Variants in GSE1 observed in about 807,000 individuals in gnomAD.
GSE1 encodes genetic suppressor element 1.
In GSE1, 32 loss-of-function variants were observed where a neutral mutation model predicts 112.6. The ratio of observed to expected loss-of-function variants is 0.28; its 90% CI spans 0.21 to 0.38. GSE1 has a LOEUF of 0.38. Among genes scored for constraint, GSE1 ranks in the 10% least tolerant of loss-of-function variants. The pLI is 1.00. For synonymous variants in GSE1, 1,115 were observed against 735.6 expected (o/e 1.52, Z -8.35); for missense variants, 2,348 against 1,699.2 (o/e 1.38, Z -6.71).
chr16:85,251,676 C>G (rs1028423621), intron 1 of GSE1, among the ~76,000 whole-genome samples: 4 of 152,252 alleles, frequency 2.6e-5, no homozygotes, highest in African/African-American at 9.6e-5. Context: ...CACGTGCCCT[C>G]TTTCACACGC....
At chr16:85,546,416 G>A (rs905687998) in intron 2 of GSE1, among the ~76,000 whole-genome samples, 1 of 152,148 alleles carries the variant, frequency 6.6e-6, no homozygotes, top group Non-Finnish European at 1.5e-5. Flanking sequence ...ACAAGCCCCC[G>A]TAACAAAGAG....
In GSE1 at chr16:85,652,652, G is replaced by A. The variant is rs1034148087; in HGVS notation, c.427-1626G>A. 2.6e-5 allele frequency among the ~76,000 whole-genome samples: 4 copies of A among 152,192 alleles called. No individual in the cohort carries two copies. In the East Asian group the frequency reaches 5.8e-4, roughly 22 times the overall value. ...CGGGCTGCCTGCACTGCCTCTGCGC[G>A]GGTGCCATGTGCTGCTGCCGGGTCA... On this transcript the variant is annotated intron_variant, in intron 3 of 15. Coordinates refer to ENST00000253458, the MANE Select transcript of GSE1 (RefSeq NM_014615.5).
chr16:85,250,075 G>A (rs887625601), intron 1 of GSE1, among the ~76,000 whole-genome samples: 6 of 152,258 alleles, frequency 3.9e-5, no homozygotes, highest in African/African-American at 1.4e-4. Context: ...CAGCTCCTGC[G>A]GTGTTGGTCT....
At chr16:85,574,861 C>T (rs2046155680) in intron 1 of GSE1, among the ~76,000 whole-genome samples, 1 of 152,206 alleles carries the variant, frequency 6.6e-6, no homozygotes, top group Non-Finnish European at 1.5e-5. Flanking sequence ...CCTGCTGGAG[C>T]CTGCCCTGGT....
intron 1 of GSE1, among the ~76,000 whole-genome samples, chr16:85,252,794 G>A (rs183911999): frequency 3.7e-4 from 57 of 152,336 alleles, no homozygotes; most frequent in Non-Finnish European, 5.7e-4. Flanking sequence ...TGAGGCTGCC[G>A]GTGACAGGAC....
At chr16:85,498,428 C>T (rs1410498419) in intron 2 of GSE1, among the ~76,000 whole-genome samples, 2 of 152,080 alleles carry the variant, frequency 1.3e-5, no homozygotes, top group Admixed American at 6.6e-5. Context: ...CAGACACACA[C>T]GGACACACAG....
chr16:85,639,920 G>A (rs2050305714), intron 2 of GSE1, among the ~76,000 whole-genome samples: 1 of 151,932 alleles, frequency 6.6e-6, no homozygotes, highest in Admixed American at 6.5e-5. Context: ...GTCCTCAGCT[G>A]CTCCAGGAGG....
intron 1 of GSE1, among the ~76,000 whole-genome samples, chr16:85,276,715 G>A (rs1909401393): frequency 6.6e-6 from 1 of 152,166 alleles, no homozygotes. Flanking sequence ...GTGGGCCAGG[G>A]CAGGGGCCGG....
chr16:85,489,126 G>A (rs979814842), intron 2 of GSE1, among the ~76,000 whole-genome samples: 1 of 152,156 alleles, frequency 6.6e-6, no homozygotes, highest in African/African-American at 2.4e-5. Context: ...CACAGCCTGG[G>A]CAACGCAGGA....
At chr16:85,538,265 A>G (rs2044401157) in intron 2 of GSE1, among the ~76,000 whole-genome samples, 1 of 152,258 alleles carries the variant, frequency 6.6e-6, no homozygotes, top group Non-Finnish European at 1.5e-5. Context: ...GCTTTCAGCC[A>G]GGACTGCTGA....
intron 1 of GSE1, among the ~76,000 whole-genome samples, chr16:85,295,243 T>C (rs753511145): frequency 2.0e-5 from 3 of 152,260 alleles, no homozygotes; most frequent in Non-Finnish European, 2.9e-5. Flanking sequence ...GAGGATGGCC[T>C]GTGCTGGGCA....
At chr16:85,453,281 G>A (rs1380757113) in intron 2 of GSE1, among the ~76,000 whole-genome samples, 1 of 152,134 alleles carries the variant, frequency 6.6e-6, no homozygotes, top group Non-Finnish European at 1.5e-5. Context: ...TGAGCAGCCC[G>A]CCCACCCTCC....
chr16:85,427,889 C>T (rs2049029686), intron 2 of GSE1, among the ~76,000 whole-genome samples: 1 of 152,206 alleles, frequency 6.6e-6, no homozygotes, highest in Admixed American at 6.5e-5. Context: ...GTTACTATTT[C>T]AGCACATGGA....
At chr16:85,435,446 G>A (rs927201726) in intron 2 of GSE1, among the ~76,000 whole-genome samples, 4 of 152,094 alleles carry the variant, frequency 2.6e-5, no homozygotes, top group African/African-American at 4.8e-5. Flanking sequence ...CCTCTCCCTC[G>A]ACTGCAGCGG....
At chr16:85,480,414 C>G (rs528008499) in intron 2 of GSE1, among the ~76,000 whole-genome samples, 3 of 152,258 alleles carry the variant, frequency 2.0e-5, no homozygotes, top group Non-Finnish European at 2.9e-5. Flanking sequence ...CTCCACCCCC[C>G]TCTGCCTGCT....
intron 2 of GSE1, among the ~76,000 whole-genome samples, chr16:85,637,080 G>A (rs1220242188): frequency 1.3e-5 from 2 of 152,244 alleles, no homozygotes; most frequent in African/African-American, 4.8e-5. Context: ...AGAAGCGCAT[G>A]ATTTGGTGAT....
chr16:85,195,604 C>A (rs2074911516), intron 1 of GSE1, among the ~76,000 whole-genome samples: 1 of 152,158 alleles, frequency 6.6e-6, no homozygotes, highest in Non-Finnish European at 1.5e-5. Flanking sequence ...CATTTGGGTC[C>A]CCCCTGCTAA....
intron 1 of GSE1, among the ~76,000 whole-genome samples, chr16:85,558,892 G>T (rs2045377692): frequency 6.6e-6 from 1 of 151,966 alleles, no homozygotes; most frequent in Non-Finnish European, 1.5e-5. Flanking sequence ...GAGTCTTGCT[G>T]TGTCGCCCAG....
chr16:85,556,344 G>A, exon 1 of GSE1: 2 of 984,754 alleles, frequency 2.0e-6, no homozygotes, highest in East Asian at 1.1e-4. Context: ...GATTGAAGCC[G>A]CCTCTGTATT....
Sources: allele counts gnomAD v4.1 joint callset (sites outside exome capture counted in the v4.1 genomes callset), GRCh38; gene constraint gnomAD v4.1.1; transcripts MANE v1.5; gene names NCBI Gene and HGNC (gene_info 2026-07-23, HGNC 2026-07-21).